The following MET variants were observed in gnomAD, a reference collection of about 807,000 sequenced individuals.
MET encodes the protein hepatocyte growth factor receptor.
A neutral mutation model predicts 133.1 loss-of-function variants in MET; 48 were observed. The observed-to-expected ratio is 0.36, with a 90% CI of 0.29 to 0.46. The LOEUF (loss-of-function observed/expected upper bound fraction) is 0.46. Among genes scored for constraint, MET ranks in the 20% least tolerant of loss-of-function variants. The pLI is 1.00. For missense variants in MET, 1,442 were observed against 1,695.9 expected, an observed-to-expected ratio of 0.85 and a Z score of 2.63; for synonymous variants, 628 against 616.5, an observed-to-expected ratio of 1.02 and a Z score of -0.28.
At chr7:116,776,679 A>T (rs1795002888) in intron 15 of MET, among the ~76,000 whole-genome samples, 1 of 152,202 alleles carries the variant, frequency 6.6e-6, no homozygotes, top group African/African-American at 2.4e-5. Context: ...GGCCAGCTGG[A>T]TGAATTAATT....
At chr7:116,795,089 T>A (rs1795627267) in intron 19 of MET, among the ~76,000 whole-genome samples, 1 of 152,272 alleles carries the variant, frequency 6.6e-6, no homozygotes, top group African/African-American at 2.4e-5. Context: ...GACAGTTTTA[T>A]TGAAATTAAT....
chr7:116,750,278 C>T (rs755533373), intron 5 of MET, among the ~76,000 whole-genome samples: 6 of 152,122 alleles, frequency 3.9e-5, no homozygotes, highest in Admixed American at 1.3e-4. Flanking sequence ...AATAACACCA[C>T]GCATTTACAA....
chr7:116,756,574 C>T lies in MET; in HGVS notation c.1863-863C>T, dbSNP rs117965622. On this transcript the variant is annotated intron_variant, in intron 6 of 20. Coordinates refer to ENST00000397752, the MANE Select transcript of MET (RefSeq NM_000245.4). ...AAAAGTAAAGCATAATTCATTCTCT[C>T]CTTTAAAAAGTTATTTAATAAATCA... Among the ~76,000 whole-genome samples, 156 of 152,246 alleles carry T rather than the reference C, an allele frequency of 1.0e-3. 1 individual carries two copies. The East Asian group carries it at 0.027, about 27-fold the overall frequency.
At chr7:116,704,993 C>T (rs924608376) in intron 2 of MET, among the ~76,000 whole-genome samples, 2 of 151,974 alleles carry the variant, frequency 1.3e-5, no homozygotes, top group African/African-American at 4.8e-5. Context: ...TTTCCATCTC[C>T]GTTTCACAGA....
At chr7:116,683,887 G>T (rs1796450706) in intron 1 of MET, among the ~76,000 whole-genome samples, 1 of 152,050 alleles carries the variant, frequency 6.6e-6, no homozygotes, top group Admixed American at 6.5e-5. Context: ...CTTCTGTAAG[G>T]CTCCATCTGA....
chr7:116,757,663 C>T lies in MET; in HGVS notation c.1991C>T (p.Pro664Leu), dbSNP rs1367341975. The T allele has an allele frequency of 2.5e-6, 4 of 1,613,820 alleles. No homozygotes were observed. Among genetic ancestry groups the T allele is most frequent in the Non-Finnish European group, 2.5e-6 (3 of 1,179,936 alleles). The part of the protein sequence containing the change: ...YVDPVITSIS[P>L]KYGPMAGGTL... ...GATCCTGTAATAACAAGTATTTCGC[C>T]GAAATACGGTCCTATGGCTGGTGGC... Residue 664 changes from proline (P) to leucine (L), a missense_variant, in exon 8 of 21, where the codon CCG becomes CTG. Pro to Leu is a moderately conservative substitution (Grantham distance 98). Around this residue, in one of 6 missense-constraint regions of MET, gnomAD observed 514 missense variants for 659.6 expected, o/e 0.78. Coordinates refer to ENST00000397752, the MANE Select transcript of MET (RefSeq NM_000245.4).
At chr7:116,728,635 C>T (rs1031030746) in intron 2 of MET, among the ~76,000 whole-genome samples, 3 of 152,120 alleles carry the variant, frequency 2.0e-5, no homozygotes, top group African/African-American at 7.2e-5. Context: ...ACTGAGTAGG[C>T]AAATGGGCTT....
intron 14 of MET, among the ~76,000 whole-genome samples, chr7:116,772,411 T>C (rs550909916): frequency 1.3e-5 from 2 of 152,318 alleles, no homozygotes; most frequent in Admixed American, 1.3e-4. Context: ...TTCGAAGTGT[T>C]TTCAATGAAC....
At chr7:116,705,453 T>C (rs1273358157) in intron 2 of MET, among the ~76,000 whole-genome samples, 2 of 152,150 alleles carry the variant, frequency 1.3e-5, no homozygotes, top group African/African-American at 4.8e-5. Flanking sequence ...CTCAAGAGAA[T>C]GTATTTTGTA....
chr7:116,775,182 AT>A, intron 15 of MET, 71 bp downstream of exon 15: 1 of 1,431,706 alleles, frequency 7.0e-7, no homozygotes, highest in Non-Finnish European at 9.8e-7. Flanking sequence ...GCCTTTGCAG[AT>A]TAGGAACTTA....
In MET at chr7:116,674,083, T is replaced by C. The variant is rs116481715; in HGVS notation, c.-15+1506T>C. The stretch of plus-strand genomic sequence containing the variant: ...TATAAGCTATAGTTATTAACTTAAA[T>C]ATATTTTGCTTTTAACATGATGGAA... On this transcript the variant is annotated intron_variant, in intron 1 of 20. Transcript: ENST00000397752. Among the ~76,000 whole-genome samples, 1,060 of 152,356 alleles carry C rather than the reference T, an allele frequency of 7.0e-3. 13 individuals are homozygous for C. The highest frequency in any genetic ancestry group is 0.025 in the African/African-American group (1,026 of 41,574).
chr7:116,763,928 TA>T (rs1463746323), intron 11 of MET, among the ~76,000 whole-genome samples: 4 of 152,196 alleles, frequency 2.6e-5, no homozygotes, highest in Admixed American at 1.3e-4. Context: ...CTACTTCAAA[TA>T]ATAACACAGG....
intron 1 of MET, among the ~76,000 whole-genome samples, chr7:116,683,904 C>T (rs1242802428): frequency 6.6e-6 from 1 of 152,200 alleles, no homozygotes; most frequent in Non-Finnish European, 1.5e-5. Flanking sequence ...CTGAATTCCT[C>T]CTTTCTACTT....
chr7:116,727,084 A>C lies in MET; in HGVS notation c.1201-4584A>C, dbSNP rs544360809. Among the ~76,000 whole-genome samples, 19 of 152,328 alleles carry C rather than the reference A, an allele frequency of 1.2e-4. 1 individual carries two copies. The South Asian group carries it at 3.9e-3, about 32-fold the overall frequency. On this transcript the variant is annotated intron_variant, in intron 2 of 20. Transcript: ENST00000397752. Reference sequence around the variant, plus strand: ...ACCAAAATAGGTAGCAAGGAGAGCTAGGTTTGAGAGCCAAGCTGATTAGTA... The same window carrying C: ...ACCAAAATAGGTAGCAAGGAGAGCTCGGTTTGAGAGCCAAGCTGATTAGTA...
chr7:116,769,936 G>C (rs1015888778), intron 12 of MET, 145 bp downstream of exon 12: 1 of 1,207,446 alleles, frequency 8.3e-7, no homozygotes, highest in Non-Finnish European at 1.2e-6. Context: ...TGTTATTTTA[G>C]AAATAGTGAG....
intron 6 of MET, among the ~76,000 whole-genome samples, chr7:116,756,866 T>G (rs545686303): frequency 1.4e-4 from 22 of 152,300 alleles, no homozygotes; most frequent in Admixed American, 9.2e-4. Flanking sequence ...ATTCAACTGG[T>G]GAGGTCTTTA....
intron 1 of MET, among the ~76,000 whole-genome samples, chr7:116,686,467 C>G (rs1796561110): frequency 6.6e-6 from 1 of 152,150 alleles, no homozygotes; most frequent in South Asian, 2.1e-4. Flanking sequence ...CCCTGTAACA[C>G]ACATCAACTT....
chr7:116,780,323 T>A (rs866282792), intron 17 of MET, among the ~76,000 whole-genome samples: 2 of 152,108 alleles, frequency 1.3e-5, no homozygotes, highest in Non-Finnish European at 2.9e-5. Flanking sequence ...CAAAAGCAAC[T>A]TTATAAATAT....
chr7:116,707,357 A>C lies in MET; in HGVS notation c.1200+7073A>C, dbSNP rs115875256. The stretch of plus-strand genomic sequence containing the variant: ...TTTGTCTTATTTGGGTAAATCAGCA[A>C]AATGTTCATCAGTCAGAGGACATTA... On this transcript the variant is annotated intron_variant, in intron 2 of 20. Transcript: ENST00000397752. 4.2e-3 allele frequency among the ~76,000 whole-genome samples: 645 copies of C among 152,224 alleles called. 1 individual carries two copies. Among genetic ancestry groups the C allele is most frequent in the African/African-American group, 0.014 (592 of 41,528 alleles).
Sources: gnomAD v4.1 joint callset for allele counts (sites outside exome capture counted in the v4.1 genomes callset) on GRCh38, gnomAD v4.1.1 for gene constraint, gnomAD v4.1.1 regional missense constraint, MANE v1.5 for transcripts, NCBI Gene and HGNC (gene_info 2026-07-23, HGNC 2026-07-21) for gene names.